The following GNAS variants were observed in gnomAD, a reference collection of about 807,000 sequenced individuals.
GNAS encodes the protein GNAS complex locus.
In GNAS, 8 loss-of-function variants were observed where a neutral mutation model predicts 54.5. The observed-to-expected ratio is 0.15, with a 90% CI of 0.09 to 0.26. The LOEUF is 0.26. GNAS is among the 10% of genes least tolerant of loss of function. The pLI is 1.00. For missense variants in GNAS, 170 were observed against 529.8 expected (o/e 0.32, Z 6.67); for synonymous variants, 204 against 191.4 (o/e 1.07, Z -0.54).
At chr20:58,892,091 C>T in intron 1 of GNAS, 5 of 966,628 alleles carry the variant, frequency 5.2e-6, no homozygotes, top group East Asian at 1.2e-4. Context: ...GACGCGGGCG[C>T]GGGTCCCCCT....
intron 5 of GNAS, 129 bp from the exon 6 acceptor site, chr20:58,905,254 G>A: frequency 1.4e-6 from 1 of 700,682 alleles, no homozygotes; most frequent in Non-Finnish European, 2.6e-6. Context: ...TTCATTAATT[G>A]GGCTCAAAAT....
At chr20:58,892,329 T>C (rs928495701) in intron 1 of GNAS, 93 of 198,508 alleles carry the variant, frequency 4.7e-4, no homozygotes, top group Non-Finnish European at 6.1e-4. Flanking sequence ...CTCCGTGGGG[T>C]GTGAGATTTG....
At chr20:58,855,011 C>G in intron 1 of GNAS, 2 of 1,612,818 alleles carry the variant, frequency 1.2e-6, no homozygotes, top group Non-Finnish European at 1.7e-6. Context: ...ACGAGTCCGA[C>G]GATGGGACCT....
In GNAS at chr20:58,841,781, G is replaced by A; in HGVS notation, c.43+895G>A. On this transcript the variant is annotated intron_variant, in intron 1 of 12. Transcript: ENST00000306090. The surrounding 1 kb of genome is among the most constrained non-coding windows in gnomAD (Gnocchi z 5.0). ...TATTGCCAAGCTTTTGGCGCAGCTG[G>A]TCGGGTGGCCAGGCTGCATGCGGCT... The A allele has an allele frequency of 8.1e-7, 1 of 1,230,490 alleles. No individual in the cohort carries two copies. The highest frequency in any genetic ancestry group is 1.0e-6 in the Non-Finnish European group (1 of 987,696). The allele number at this position is 1,230,490 out of a possible 1,614,324, so 76.2% of individuals were successfully genotyped here.
rs73307929 is a variant in GNAS, at chr20:58,872,741, G to A, written c.44-22871G>A. Among the ~76,000 whole-genome samples the A allele has an allele frequency of 2.6e-3, 397 of 152,142 alleles. 4 individuals carry two copies. Among genetic ancestry groups the A allele is most frequent in the African/African-American group, 9.1e-3 (377 of 41,410 alleles). ...GACAAGGTTGATTGCTCTGTGCTGG[G>A]GTGAGGGTGGGGGGCAGAGAGAGAA... On this transcript the variant is annotated intron_variant, in intron 1 of 12. Coordinates refer to the GNAS transcript ENST00000306090.
In GNAS at chr20:58,841,867, A is replaced by G. The variant is rs1034114516; in HGVS notation, c.43+981A>G. 1 of 1,231,244 alleles carries G rather than the reference A, an allele frequency of 8.1e-7. No homozygotes were observed. Among genetic ancestry groups the G allele is most frequent in the Non-Finnish European group, 1.0e-6 (1 of 987,966 alleles). The allele number at this position is 1,231,244 out of a possible 1,614,324, so 76.3% of individuals were successfully genotyped here. A position where few individuals can be genotyped will look rare whatever the true frequency, so the allele number is the denominator to read the frequency against. On this transcript the variant is annotated intron_variant, in intron 1 of 12. Transcript: ENST00000306090. This position sits in a 1 kb window ranked among gnomAD's most constrained non-coding sequence, Gnocchi z 5.0. ...TCTGGAGGCCCTCGAGATCGTCGCA[A>G]GTGGAAAGGTAAAGCGGAACAAGGG...
Position 58,863,013 on chromosome 20 carries a change from C to T in GNAS, c.43+22127C>T, listed in dbSNP as rs2086861957. ...AAAATGTGTTTAGTTTCCTTTCCAA[C>T]AGCCAGATGGTGAACCAGGCCAGCT... On this transcript the variant is annotated intron_variant, in intron 1 of 12. Coordinates refer to the GNAS transcript ENST00000306090. The surrounding 1 kb of genome is among the most constrained non-coding windows in gnomAD (Gnocchi z 4.1). Among the ~76,000 whole-genome samples, 1 of 150,302 alleles carries T rather than the reference C, an allele frequency of 6.7e-6. No homozygotes were observed. Among genetic ancestry groups the T allele is most frequent in the Non-Finnish European group, 1.5e-5 (1 of 67,708 alleles).
chr20:58,839,937 G>A (rs2085655690), upstream of GNAS: 1 of 662,572 alleles, frequency 1.5e-6, no homozygotes, highest in Non-Finnish European at 2.6e-6. Context: ...AAGTGGTCAG[G>A]AAGGTAGGTG....
chr20:58,893,511 C>T (rs979742344), intron 1 of GNAS, among the ~76,000 whole-genome samples: 1 of 152,136 alleles, frequency 6.6e-6, no homozygotes, highest in African/African-American at 2.4e-5. Flanking sequence ...AAAGGCTGTT[C>T]TTATTTATTT....
chr20:58,862,305 C>T (rs1336212768), intron 1 of GNAS, among the ~76,000 whole-genome samples: 1 of 151,810 alleles, frequency 6.6e-6, no homozygotes, highest in Non-Finnish European at 1.5e-5. Context: ...TTACAGGTGC[C>T]TGCCAGCATG....
chr20:58,892,009 A>C, intron 1 of GNAS, 144 bp downstream of exon 1: 1 of 755,660 alleles, frequency 1.3e-6, no homozygotes, highest in Non-Finnish European at 1.6e-6. Context: ...GTGGGGGGCG[A>C]GGCCGGAAGG....
At chr20:58,865,832 T>C (rs1315475138) in intron 1 of GNAS, among the ~76,000 whole-genome samples, 1 of 152,118 alleles carries the variant, frequency 6.6e-6, no homozygotes, top group Non-Finnish European at 1.5e-5. Context: ...GGGAAGTAAA[T>C]AGTGAGCTGA....
chr20:58,905,551 C>CTGCCGGGCGCGGTGGCTCACGCCTGTAAT, intron 6 of GNAS, 71 bp downstream of exon 6: 1 of 889,588 alleles, frequency 1.1e-6, no homozygotes, highest in Admixed American at 1.7e-5. Flanking sequence ...AACCTGTGAT[C>CTGCCGGGCGCGGTGGCTCACGCCTGTAAT]CTGCTTTGAA....
At chr20:58,855,060 C>T in intron 1 of GNAS, 2 of 1,613,102 alleles carry the variant, frequency 1.2e-6, no homozygotes, top group South Asian at 1.1e-5. Flanking sequence ...GCGAAATCGC[C>T]GCCGCCGAAA....
rs756514114 is a variant in GNAS at position 58,910,038 on chromosome 20, G to A, written c.927G>A (p.Glu309=). 7 of 1,613,480 alleles carry A rather than the reference G, an allele frequency of 4.3e-6. No homozygotes were observed. The African/African-American group carries it at 6.7e-5, about 15-fold the overall frequency. Residue 309 remains glutamate, a synonymous_variant, in exon 11 of 13, where the codon GAG becomes GAA. Coordinates refer to ENST00000371085, the MANE Select transcript of GNAS (RefSeq NM_000516.7). The surrounding 1 kb of genome is among the most constrained non-coding windows in gnomAD (Gnocchi z 5.8). ...EKVLAGKSKI[E]DYFPEFARYT... The stretch of plus-strand genomic sequence containing the variant: ...TCCTTGCTGGGAAATCGAAGATTGA[G>A]GACTACTTTCCAGAATTTGCTCGCT...
Position 58,873,358 on chromosome 20 carries a change from C to A in GNAS, c.44-22254C>A, listed in dbSNP as rs1424325715. ...GCCTAATTTAAGAAAACAGTTAAAT[C>A]CATCATGGTTCCAAGTGAAAACAGT... is the stretch of plus-strand genomic sequence containing the variant. On this transcript the variant is annotated intron_variant, in intron 1 of 12. Coordinates refer to the GNAS transcript ENST00000306090. The surrounding 1 kb of genome is among the most constrained non-coding windows in gnomAD (Gnocchi z 4.3). Among the ~76,000 whole-genome samples the A allele has an allele frequency of 6.6e-6, 1 of 151,962 alleles. No homozygotes were observed. Among genetic ancestry groups the A allele is most frequent in the Non-Finnish European group, 1.5e-5 (1 of 67,984 alleles).
chr20:58,908,741 C>T (rs1297645122), intron 6 of GNAS, among the ~76,000 whole-genome samples: 1 of 151,912 alleles, frequency 6.6e-6, no homozygotes, highest in Admixed American at 6.6e-5. Context: ...GGTTGATATG[C>T]ATAAAACCTT....
chr20:58,882,163 G>T (rs1449775424), intron 1 of GNAS, among the ~76,000 whole-genome samples: 2 of 152,188 alleles, frequency 1.3e-5, no homozygotes, highest in East Asian at 3.9e-4. Flanking sequence ...CCGCCTCCCG[G>T]GTTCACGCCA....
chr20:58,891,899 G>C (rs781327990), intron 1 of GNAS, 34 bp downstream of exon 1: 2 of 1,046,958 alleles, frequency 1.9e-6, no homozygotes, highest in Middle Eastern at 4.5e-4. Context: ...GCCCCGGCCC[G>C]GGGGCCCTCG....
Sources: allele counts gnomAD v4.1 joint callset (sites outside exome capture counted in the v4.1 genomes callset), GRCh38; gene constraint gnomAD v4.1.1; non-coding constraint Gnocchi (gnomAD v3.1); transcripts MANE v1.5; gene names NCBI Gene and HGNC (gene_info 2026-07-23, HGNC 2026-07-21).